The following GPD2 variants were observed in gnomAD, a reference collection of about 807,000 sequenced individuals.
GPD2 encodes the protein glycerol-3-phosphate dehydrogenase, mitochondrial.
GPD2 carries 54 observed loss-of-function variants against 82.4 expected under a neutral mutation model. That is an observed-to-expected ratio of 0.66 (90% confidence interval 0.53 to 0.82). The LOEUF (loss-of-function observed/expected upper bound fraction) is 0.82, where lower values mean the gene tolerates loss of function less well. Among genes scored for constraint, GPD2 ranks in the 40% least tolerant of loss-of-function variants. The pLI is 0.00. For synonymous variants in GPD2, 288 were observed against 306.1 expected, an observed-to-expected ratio of 0.94 and a Z score of 0.62; for missense variants, 748 against 896.2, an observed-to-expected ratio of 0.83 and a Z score of 2.11.
At chr2:156,523,670 CTAGATAGATAGATAGATAGATAGA>C (rs3086039) in intron 6 of GPD2, among the ~76,000 whole-genome samples, 1 of 146,590 alleles carries the variant, frequency 6.8e-6, no homozygotes, top group African/African-American at 2.5e-5. Context: ...AATTTCTTTT[CTAGATAGATAGATAGATAGATAGA>C]TAGATAGATA....
At chr2:156,431,412 T>C (rs1385990308), upstream of GPD2, among the ~76,000 whole-genome samples, 1 of 152,218 alleles carries the variant, frequency 6.6e-6, no homozygotes, top group Non-Finnish European at 1.5e-5. Flanking sequence ...ATTTGTTTGA[T>C]TTGGTTTTAA....
the GPD2 span, among the ~76,000 whole-genome samples, chr2:156,414,126 CTTA>C: frequency 1.8e-4 from 27 of 152,120 alleles, no homozygotes; most frequent in Admixed American, 4.6e-4. Flanking sequence ...TTTGATTTTC[CTTA>C]TTATTAAAGA....
intron 3 of GPD2, among the ~76,000 whole-genome samples, chr2:156,500,762 T>G (rs1558930268): frequency 6.6e-6 from 1 of 152,092 alleles, no homozygotes; most frequent in Non-Finnish European, 1.5e-5. Context: ...AGTCATGGAG[T>G]CTTCATAATG....
chr2:156,515,306 G>GT (rs1685159745), intron 6 of GPD2, among the ~76,000 whole-genome samples: 1 of 151,788 alleles, frequency 6.6e-6, no homozygotes, highest in Non-Finnish European at 1.5e-5. Context: ...GGGGGCTGAG[G>GT]TGGCTGCAGT....
At chr2:156,504,700 T>C (rs1177989969) in intron 3 of GPD2, among the ~76,000 whole-genome samples, 1 of 151,972 alleles carries the variant, frequency 6.6e-6, no homozygotes, top group Non-Finnish European at 1.5e-5. Context: ...AAATAAGAAA[T>C]TGAATAAATT....
intron 6 of GPD2, among the ~76,000 whole-genome samples, chr2:156,531,430 G>A (rs545688258): frequency 6.6e-6 from 1 of 152,306 alleles, no homozygotes; most frequent in South Asian, 2.1e-4. Flanking sequence ...GAAGATGCAA[G>A]GGTATTTTCT....
chr2:156,474,369 A>C (rs1470757516), intron 1 of GPD2, among the ~76,000 whole-genome samples: 1 of 152,216 alleles, frequency 6.6e-6, no homozygotes, highest in East Asian at 1.9e-4. Context: ...ATTTAACCGT[A>C]TCATAATTTA....
intron 1 of GPD2, among the ~76,000 whole-genome samples, chr2:156,463,821 G>A (rs753443219): frequency 6.6e-6 from 1 of 151,856 alleles, no homozygotes; most frequent in Non-Finnish European, 1.5e-5. Flanking sequence ...ATATTGAGTC[G>A]AACCCTTTAT....
chr2:156,472,058 T>A (rs575347111), intron 1 of GPD2, among the ~76,000 whole-genome samples: 2 of 152,358 alleles, frequency 1.3e-5, no homozygotes, highest in East Asian at 3.9e-4. Context: ...AATAAGCTAA[T>A]TCTATTTTTT....
chr2:156,475,838 T>C (rs1030343113), intron 1 of GPD2, among the ~76,000 whole-genome samples: 1 of 152,250 alleles, frequency 6.6e-6, no homozygotes. Context: ...TATCCTCAGT[T>C]ATCTCTTAAT....
At chr2:156,532,604 G>A (rs914957363) in intron 6 of GPD2, among the ~76,000 whole-genome samples, 11 of 152,120 alleles carry the variant, frequency 7.2e-5, no homozygotes, top group Admixed American at 3.9e-4. Flanking sequence ...AAATTTTAGA[G>A]CCATCAGGAG....
chr2:156,419,735 T>G, the GPD2 span, among the ~76,000 whole-genome samples: 1 of 152,252 alleles, frequency 6.6e-6, no homozygotes, highest in Non-Finnish European at 1.5e-5. Flanking sequence ...TTCTACCATC[T>G]CCTTAAATTT....
chr2:156,498,197 C>T (rs1684455098), intron 3 of GPD2, among the ~76,000 whole-genome samples: 1 of 152,146 alleles, frequency 6.6e-6, no homozygotes, highest in African/African-American at 2.4e-5. Context: ...TGAGTGCCTG[C>T]TGTCTGCATG....
chr2:156,502,912 G>A (rs1388340339), intron 3 of GPD2, among the ~76,000 whole-genome samples: 3 of 150,518 alleles, frequency 2.0e-5, no homozygotes, highest in Non-Finnish European at 4.4e-5. Flanking sequence ...AATCTTTCAT[G>A]CTTTTTATTT....
chr2:156,506,478 T>C (rs1684788892), intron 3 of GPD2, among the ~76,000 whole-genome samples: 1 of 152,206 alleles, frequency 6.6e-6, no homozygotes, highest in African/African-American at 2.4e-5. Flanking sequence ...AAAGCAGTTT[T>C]GAGAGCTTTA....
At chr2:156,403,059 G>T in the GPD2 span, among the ~76,000 whole-genome samples, 1 of 130,158 alleles carries the variant, frequency 7.7e-6, no homozygotes, top group African/African-American at 2.9e-5. Flanking sequence ...AAGCTGCAGA[G>T]AGCCAAGATC....
At chr2:156,513,642 AT>A in intron 6 of GPD2, 146 bp downstream of exon 6, 1 of 689,718 alleles carries the variant, frequency 1.4e-6, no homozygotes, top group Non-Finnish European at 2.5e-6. Flanking sequence ...CATATTCACC[AT>A]TTTCTCTAAC....
chr2:156,569,311 A>C, intron 10 of GPD2, 52 bp from the exon 11 acceptor site: 2 of 1,225,050 alleles, frequency 1.6e-6, no homozygotes, highest in Non-Finnish European at 2.4e-6. Flanking sequence ...GGTTAATTAT[A>C]AGAAAAATAA....
chr2:156,426,672 G>A, the GPD2 span, among the ~76,000 whole-genome samples: 11 of 152,262 alleles, frequency 7.2e-5, no homozygotes, highest in South Asian at 2.1e-4. Flanking sequence ...TAGGATGTGC[G>A]GAAGATTTTG....
Sources: allele counts gnomAD v4.1 joint callset (sites outside exome capture counted in the v4.1 genomes callset), GRCh38; gene constraint gnomAD v4.1.1; transcripts MANE v1.5; gene names NCBI Gene and HGNC (gene_info 2026-07-23, HGNC 2026-07-21).